LRP6: variants seen among roughly 807,000 people sequenced by gnomAD.
The protein encoded by LRP6 is LDL receptor related protein 6.
A neutral mutation model predicts 184.1 loss-of-function variants in LRP6; 43 were observed. That is an observed-to-expected ratio of 0.23 (90% CI 0.18 to 0.30). LRP6 has a LOEUF of 0.30. Among genes scored for constraint, LRP6 ranks in the 10% least tolerant of loss-of-function variants. LRP6 has a pLI of 1.00. For synonymous variants in LRP6, 719 were observed against 684.9 expected, an observed-to-expected ratio of 1.05 and a Z score of -0.78; for missense variants, 1,571 against 2,005.3, an observed-to-expected ratio of 0.78 and a Z score of 4.14.
chr12:12,249,012 G>A (rs367618370), intron 1 of LRP6: 12 of 605,438 alleles, frequency 2.0e-5, no homozygotes, highest in East Asian at 1.7e-4. Flanking sequence ...ACAGGCTCGG[G>A]GGTAAAAGTC....
At chr12:12,207,720 G>A (rs1249037983) in intron 2 of LRP6, among the ~76,000 whole-genome samples, 1 of 152,122 alleles carries the variant, frequency 6.6e-6, no homozygotes, top group Non-Finnish European at 1.5e-5. Flanking sequence ...CTGTCTGCAT[G>A]TGTAACGCTA....
chr12:12,263,886 G>A (rs1183425176), intron 1 of LRP6, among the ~76,000 whole-genome samples: 1 of 151,936 alleles, frequency 6.6e-6, no homozygotes, highest in African/African-American at 2.4e-5. Flanking sequence ...GCTCACACCT[G>A]TAACCTGTAA....
chr12:12,266,819 G>A lies in LRP6; in HGVS notation c.-84C>T, dbSNP rs1264251422. On this transcript the variant is annotated 5_prime_UTR_variant, in exon 1 of 23. Coordinates refer to ENST00000261349, the MANE Select transcript of LRP6 (RefSeq NM_002336.3). ...GAGGAGCCGGGGCGGCCGCCGCAGC[G>A]GCAGGGCTGCACGCTCATACTTCCC... 9.1e-7 allele frequency: 1 copy of A among 1,099,854 alleles called. No homozygotes were observed. 68.1% of individuals were successfully genotyped at this position (1,099,854 alleles called of 1,614,324 possible). A position where few individuals can be genotyped will look rare whatever the true frequency, so the allele number is the denominator to read the frequency against.
chr12:12,130,753 G>T, intron 19 of LRP6, 30 bp downstream of exon 19: 1 of 1,342,346 alleles, frequency 7.4e-7, no homozygotes, highest in Non-Finnish European at 1.1e-6. Flanking sequence ...TCTCTGTTAA[G>T]AGTAATTTAT....
At chr12:12,260,236 G>A (rs1404255640) in intron 1 of LRP6, among the ~76,000 whole-genome samples, 4 of 152,002 alleles carry the variant, frequency 2.6e-5, no homozygotes, top group Non-Finnish European at 5.9e-5. Context: ...AAAATTAGCC[G>A]GGCGTGTTGG....
intron 9 of LRP6, 112 bp from the exon 10 acceptor site, chr12:12,162,531 G>A (rs1862766182): frequency 1.2e-6 from 1 of 834,778 alleles, no homozygotes; most frequent in Non-Finnish European, 2.1e-6. Flanking sequence ...GTGCCAAGAG[G>A]CATACTATTT....
intron 10 of LRP6, among the ~76,000 whole-genome samples, chr12:12,160,890 GA>G (rs1862723101): frequency 6.6e-6 from 1 of 152,200 alleles, no homozygotes; most frequent in East Asian, 1.9e-4. Context: ...CAGCTCTCAC[GA>G]AATACCTGAG....
rs1351963532 is a variant in LRP6 at position 12,116,609 on chromosome 12, C to T, written c.*4517G>A. On this transcript the variant is annotated 3_prime_UTR_variant, in exon 23 of 23. Coordinates refer to ENST00000261349, the MANE Select transcript of LRP6 (RefSeq NM_002336.3). ...CAAAATGGACAGTTCAGCAAAAGCG[C>T]GTTGTCTGTAATTCTCTGGTGTTGC... 1 of 152,152 alleles carries T rather than the reference C, an allele frequency of 6.6e-6. No individual in the cohort carries two copies. The highest frequency in any genetic ancestry group is 1.5e-5 in the Non-Finnish European group (1 of 68,040). 9.4% of individuals were successfully genotyped at this position (152,152 alleles called of 1,614,324 possible). A position where few individuals can be genotyped will look rare whatever the true frequency, so the allele number is the denominator to read the frequency against.
rs140573062 is a variant in LRP6 at position 12,121,249 on chromosome 12, G to A, written c.4719C>T (p.Pro1573=). 1,125 of 1,614,126 alleles carry A rather than the reference G, an allele frequency of 7.0e-4. 8 individuals carry two copies. In the African/African-American group the frequency reaches 0.014, roughly 19 times the overall value. The change falls in exon 23 of 23, where the codon CCC becomes CCT. Residue 1573 remains proline, a synonymous_variant. Transcript: ENST00000261349. ...DSEPVPPPPT[P]RSQYLSAEEN... ...CCTCTGCTGACAAGTATTGGCTTCG[G>A]GGTGTGGGAGGTGGGGGCACAGGTT...
At position 12,219,420 on chromosome 12, in the gene LRP6, G is replaced by T. The variant is rs533971307; in HGVS notation, c.450-16020C>A. On this transcript the variant is annotated intron_variant, in intron 2 of 22. Transcript: ENST00000261349. ...GAGGTTTCCCATGTTGGCCAGGATG[G>T]TATCGGTCTCTTGACCTTGTGATCC... Among the ~76,000 whole-genome samples the T allele has an allele frequency of 2.3e-4, 35 of 152,204 alleles. No individual in the cohort carries two copies. In the East Asian group the frequency reaches 6.0e-3, roughly 26 times the overall value.
chr12:12,252,990 C>T lies in LRP6; in HGVS notation c.56-8335G>A, dbSNP rs539629436. Among the ~76,000 whole-genome samples, 19 of 152,264 alleles carry T rather than the reference C, an allele frequency of 1.2e-4. No individual in the cohort carries two copies. The South Asian group carries it at 3.7e-3, about 30-fold the overall frequency. On this transcript the variant is annotated intron_variant, in intron 1 of 22. Coordinates refer to ENST00000261349, the MANE Select transcript of LRP6 (RefSeq NM_002336.3). ...TTTAAAATAAGGTTAATCGGCTGGGCGCAGTTGCTCACACCTTAATCCCAG... is the reference window on the plus strand; with the variant it reads ...TTTAAAATAAGGTTAATCGGCTGGGTGCAGTTGCTCACACCTTAATCCCAG...
chr12:12,246,836 A>T (rs980724222), intron 1 of LRP6, among the ~76,000 whole-genome samples: 4 of 152,184 alleles, frequency 2.6e-5, no homozygotes, highest in Non-Finnish European at 2.9e-5. Flanking sequence ...AAAAAGTGTA[A>T]GAAAAAAGTG....
chr12:12,252,545 C>A (rs558385512), intron 1 of LRP6, among the ~76,000 whole-genome samples: 1 of 152,268 alleles, frequency 6.6e-6, no homozygotes, highest in African/African-American at 2.4e-5. Context: ...CCTAGAAATT[C>A]ATCAATGCCC....
chr12:12,182,321 T>C (rs998807036), intron 5 of LRP6, among the ~76,000 whole-genome samples: 1 of 152,204 alleles, frequency 6.6e-6, no homozygotes, highest in African/African-American at 2.4e-5. Context: ...TTTCAGATTT[T>C]TATTTCACTG....
At chr12:12,241,807 A>G (rs1865073029) in intron 2 of LRP6, among the ~76,000 whole-genome samples, 1 of 152,154 alleles carries the variant, frequency 6.6e-6, no homozygotes, top group African/African-American at 2.4e-5. Flanking sequence ...TCTACCTTCA[A>G]AGTAAATTGC....
rs1026462146 is a variant in LRP6 at position 12,258,506 on chromosome 12, A to C, written c.55+8175T>G. ...TTCCAAATAAATGTCATAAAAATTC[A>C]CATCTTTTTATATTACTTTAAATGT... is the stretch of plus-strand genomic sequence containing the variant. On this transcript the variant is annotated intron_variant, in intron 1 of 22. Transcript: ENST00000261349. Among the ~76,000 whole-genome samples, 3 of 152,356 alleles carry C rather than the reference A, an allele frequency of 2.0e-5. No individual in the cohort carries two copies. The South Asian group carries it at 6.2e-4, about 32-fold the overall frequency.
intron 1 of LRP6, among the ~76,000 whole-genome samples, chr12:12,255,305 A>G (rs1865433707): frequency 6.7e-6 from 1 of 149,276 alleles, no homozygotes; most frequent in East Asian, 2.0e-4. Context: ...TGACTGCAGA[A>G]AAAAAAAAAA....
intron 10 of LRP6, among the ~76,000 whole-genome samples, chr12:12,161,458 C>T (rs991996790): frequency 2.0e-5 from 3 of 151,982 alleles, no homozygotes; most frequent in African/African-American, 4.8e-5. Flanking sequence ...TTAGTAGTTA[C>T]GGGGTTTCAC....
chr12:12,161,916 T>A (rs1356704319), intron 10 of LRP6, among the ~76,000 whole-genome samples: 2 of 149,728 alleles, frequency 1.3e-5, no homozygotes, highest in African/African-American at 2.5e-5. Flanking sequence ...CCTCTTGGTA[T>A]ATATACTTAA....
Sources: allele counts gnomAD v4.1 joint callset (sites outside exome capture counted in the v4.1 genomes callset), GRCh38; gene constraint gnomAD v4.1.1; transcripts MANE v1.5; gene names NCBI Gene and HGNC (gene_info 2026-07-23, HGNC 2026-07-21).